The following ANKRD36C variants were observed in gnomAD, a reference collection of about 807,000 sequenced individuals.
ANKRD36C encodes the protein ankyrin repeat domain 36C, also known as ankyrin repeat domain-containing protein 36C.
ANKRD36C carries 61 observed loss-of-function variants against 276.4 expected under a neutral mutation model. The ratio of observed to expected loss-of-function variants is 0.22; its 90% confidence interval spans 0.18 to 0.27. ANKRD36C has a LOEUF of 0.27. Among genes scored for constraint, ANKRD36C ranks in the 10% least tolerant of loss-of-function variants. The probability of loss-of-function intolerance (pLI) is 1.00; values close to 1 mark genes in which losing one functional copy is unlikely to be tolerated. For synonymous variants in ANKRD36C, 483 were observed against 680.1 expected (o/e 0.71, Z 4.51); for missense variants, 1,447 against 2,032.3 (o/e 0.71, Z 5.54).
intron 24 of ANKRD36C, among the ~76,000 whole-genome samples, chr2:95,929,882 A>G (rs1158028379): frequency 6.6e-6 from 1 of 151,530 alleles, no homozygotes; most frequent in Non-Finnish European, 1.5e-5. Context: ...TATCTCTTGT[A>G]TCTTCTAGTT....
intron 1 of ANKRD36C, among the ~76,000 whole-genome samples, chr2:95,989,756 C>G (rs1679099869): frequency 6.6e-6 from 1 of 152,140 alleles, no homozygotes; most frequent in Non-Finnish European, 1.5e-5. Context: ...GAAATGTAAA[C>G]TTTCAACAGC....
intron 34 of ANKRD36C, 29 bp downstream of exon 34, chr2:95,921,578 A>G (rs1028276079): frequency 3.7e-5 from 59 of 1,593,138 alleles, no homozygotes; most frequent in African/African-American, 6.8e-5. Context: ...TGGATTGAAC[A>G]TGACATTAAA....
chr2:95,928,998 C>T (rs1193909570), intron 26 of ANKRD36C, 74 bp downstream of exon 26: 7 of 1,588,590 alleles, frequency 4.4e-6, no homozygotes, highest in African/African-American at 4.0e-5. Context: ...GAACTCCCCA[C>T]TGATTTATTT....
intron 40 of ANKRD36C, among the ~76,000 whole-genome samples, chr2:95,913,406 TA>T (rs1195796051): frequency 6.6e-6 from 1 of 151,434 alleles, no homozygotes; most frequent in Non-Finnish European, 1.5e-5. Flanking sequence ...ATCTCATTTT[TA>T]TAACTAAAAT....
intron 60 of ANKRD36C, among the ~76,000 whole-genome samples, chr2:95,863,415 A>C (rs1243165023): frequency 1.3e-5 from 2 of 152,192 alleles, no homozygotes; most frequent in African/African-American, 4.8e-5. Flanking sequence ...CATTACTGGA[A>C]GAAAATAATA....
chr2:95,946,821 C>T (rs1295438827), intron 17 of ANKRD36C, among the ~76,000 whole-genome samples: 2 of 151,486 alleles, frequency 1.3e-5, no homozygotes, highest in Non-Finnish European at 2.9e-5. Flanking sequence ...AAAAACCAAA[C>T]ACCGCATATT....
intron 54 of ANKRD36C, among the ~76,000 whole-genome samples, chr2:95,883,287 T>C: frequency 6.6e-6 from 1 of 152,252 alleles, no homozygotes; most frequent in African/African-American, 2.4e-5. Flanking sequence ...ATTACTCCAA[T>C]ATTCATTGAA....
chr2:95,911,283 A>C (rs1030128890), intron 42 of ANKRD36C, among the ~76,000 whole-genome samples: 27 of 151,528 alleles, frequency 1.8e-4, no homozygotes, highest in African/African-American at 6.5e-4. Flanking sequence ...ATCAATTTTG[A>C]CATATTTCTA....
At chr2:95,955,556 A>C (rs1357323969) in intron 13 of ANKRD36C, among the ~76,000 whole-genome samples, 1 of 152,144 alleles carries the variant, frequency 6.6e-6, no homozygotes, top group East Asian at 1.9e-4. Flanking sequence ...GTCCCCTGCA[A>C]ATTCCATTCT....
At chr2:95,968,819 C>T (rs865918902) in intron 6 of ANKRD36C, among the ~76,000 whole-genome samples, 2 of 152,112 alleles carry the variant, frequency 1.3e-5, no homozygotes, top group Admixed American at 6.6e-5. Flanking sequence ...CCCAGGACCC[C>T]CTCTTTGGTT....
At chr2:95,876,853 CAAAAAA>C (rs61043155) in intron 58 of ANKRD36C, among the ~76,000 whole-genome samples, 144 of 84,138 alleles carry the variant, frequency 1.7e-3, no homozygotes, top group Non-Finnish European at 2.3e-3. Context: ...GACTGTGTCT[CAAAAAA>C]AAAAAAAAAA....
chr2:95,852,746 A>G, intron 64 of ANKRD36C: 2 of 152,288 alleles, frequency 1.3e-5, no homozygotes, highest in Non-Finnish European at 2.9e-5. Flanking sequence ...ATTTTTAAAT[A>G]TTTAAAACTA....
chr2:95,869,050 T>C (rs965817193), intron 59 of ANKRD36C, among the ~76,000 whole-genome samples: 1 of 151,496 alleles, frequency 6.6e-6, no homozygotes, highest in Non-Finnish European at 1.5e-5. Flanking sequence ...AAGTGGAAGA[T>C]AAATTTGCTA....
chr2:95,964,426 G>A (rs1009038565), intron 6 of ANKRD36C, among the ~76,000 whole-genome samples: 18 of 151,632 alleles, frequency 1.2e-4, no homozygotes, highest in African/African-American at 3.4e-4. Flanking sequence ...ACTCTTTTTC[G>A]TTCATAAATC....
At chr2:95,914,216 A>C in intron 39 of ANKRD36C, 36 bp from the exon 42 acceptor site, 1 of 1,565,382 alleles carries the variant, frequency 6.4e-7, no homozygotes, top group Non-Finnish European at 8.7e-7. Flanking sequence ...TAAGTTAATA[A>C]AGTATGTTTC....
chr2:95,954,752 A>T (rs1678287759), intron 13 of ANKRD36C, among the ~76,000 whole-genome samples: 1 of 152,192 alleles, frequency 6.6e-6, no homozygotes. Flanking sequence ...CAAGCTTAAG[A>T]ACCTTCATAG....
intron 20 of ANKRD36C, among the ~76,000 whole-genome samples, chr2:95,939,821 A>G (rs1677824379): frequency 6.6e-6 from 1 of 152,308 alleles, no homozygotes; most frequent in Admixed American, 6.5e-5. Flanking sequence ...TACTCATGTC[A>G]TCCACAGTCA....
chr2:95,932,122 T>A (rs1919689), intron 24 of ANKRD36C, among the ~76,000 whole-genome samples: 3,388 of 115,052 alleles, frequency 0.029, no homozygotes, highest in Non-Finnish European at 0.038. Context: ...TCAGGACATG[T>A]CAAAAAGACA....
chr2:95,884,112 G>C, intron 54 of ANKRD36C, 61 bp downstream of exon 74: 1 of 1,524,028 alleles, frequency 6.6e-7, no homozygotes, highest in Non-Finnish European at 8.9e-7. Flanking sequence ...GATTTATTTG[G>C]GAAGAGAAGT....
Sources: allele counts gnomAD v4.1 joint callset (sites outside exome capture counted in the v4.1 genomes callset), GRCh38; gene constraint gnomAD v4.1.1; transcripts MANE v1.5; gene names NCBI Gene and HGNC (gene_info 2026-07-23, HGNC 2026-07-21).